HS3ST4: variants seen among roughly 807,000 people sequenced by gnomAD.
HS3ST4 encodes heparan sulfate-glucosamine 3-sulfotransferase 4.
Under a neutral mutation model 29.2 loss-of-function variants are expected in HS3ST4, and 17 were observed. That is an observed-to-expected ratio of 0.58 (90% CI 0.40 to 0.87). The LOEUF is 0.87. HS3ST4 is among the 40% of genes least tolerant of loss of function. The pLI, the probability that HS3ST4 is intolerant of heterozygous loss-of-function variation, is 0.00. For missense variants in HS3ST4, 627 were observed against 634.5 expected (o/e 0.99, Z 0.13); for synonymous variants, 314 against 285.7 (o/e 1.10, Z -1.00).
At chr16:26,031,275 G>T (rs1969528439) in intron 1 of HS3ST4, among the ~76,000 whole-genome samples, 1 of 152,144 alleles carries the variant, frequency 6.6e-6, no homozygotes, top group South Asian at 2.1e-4. Context: ...CCCCGCCCCG[G>T]GAAGAACCAG....
intron 1 of HS3ST4, among the ~76,000 whole-genome samples, chr16:26,008,802 G>C (rs1050986384): frequency 1.1e-4 from 17 of 152,206 alleles, no homozygotes; most frequent in Non-Finnish European, 1.5e-5. Context: ...CTGGGCGATA[G>C]AGTGAGACCA....
At chr16:26,041,938 T>A (rs1969639611) in intron 1 of HS3ST4, among the ~76,000 whole-genome samples, 1 of 152,206 alleles carries the variant, frequency 6.6e-6, no homozygotes, top group African/African-American at 2.4e-5. Context: ...TCAGTGGGTC[T>A]GGGCCTGGGA....
chr16:25,704,967 C>T (rs189758615), intron 1 of HS3ST4, among the ~76,000 whole-genome samples: 217 of 152,148 alleles, frequency 1.4e-3, no homozygotes, highest in African/African-American at 4.8e-3. Context: ...AGTAATCCTA[C>T]AGCTGAGGCT....
chr16:25,863,865 A>G (rs1229411147), intron 1 of HS3ST4, among the ~76,000 whole-genome samples: 2 of 152,242 alleles, frequency 1.3e-5, no homozygotes, highest in Non-Finnish European at 2.9e-5. Flanking sequence ...ATAACAAAAT[A>G]TCACAGACTG....
intron 1 of HS3ST4, among the ~76,000 whole-genome samples, chr16:25,787,818 C>G (rs1370575999): frequency 1.3e-5 from 2 of 152,154 alleles, no homozygotes; most frequent in African/African-American, 4.8e-5. Flanking sequence ...ATATGATTTT[C>G]TGTTTTTTAA....
At chr16:25,779,543 T>G (rs1215428252) in intron 1 of HS3ST4, among the ~76,000 whole-genome samples, 1 of 152,208 alleles carries the variant, frequency 6.6e-6, no homozygotes, top group African/African-American at 2.4e-5. Context: ...ACTTCATGCT[T>G]GGAGTGTGTC....
chr16:25,704,255 G>T (rs1966357845), intron 1 of HS3ST4, among the ~76,000 whole-genome samples: 1 of 152,124 alleles, frequency 6.6e-6, no homozygotes, highest in Non-Finnish European at 1.5e-5. Context: ...AGCCTATTTT[G>T]GGTGCAGAAA....
intron 1 of HS3ST4, among the ~76,000 whole-genome samples, chr16:26,051,387 G>A (rs780899614): frequency 6.6e-6 from 1 of 152,074 alleles, no homozygotes; most frequent in South Asian, 2.1e-4. Context: ...TGACAAAGAC[G>A]AGCATGATTC....
intron 1 of HS3ST4, among the ~76,000 whole-genome samples, chr16:25,868,087 CGCACATGTGTTT>C (rs1273901907): frequency 2.6e-5 from 4 of 152,078 alleles, no homozygotes; most frequent in Non-Finnish European, 2.9e-5. Context: ...GCACGTCAGA[CGCACATGTGTTT>C]GCTCAATCTG....
intron 1 of HS3ST4, among the ~76,000 whole-genome samples, chr16:25,927,685 C>T (rs552362987): frequency 6.6e-6 from 1 of 151,164 alleles, no homozygotes; most frequent in East Asian, 1.9e-4. Flanking sequence ...CCCCAGCTCG[C>T]TGTTTTTCTG....
intron 1 of HS3ST4, among the ~76,000 whole-genome samples, chr16:25,809,404 T>C (rs1967020008): frequency 6.6e-6 from 1 of 152,212 alleles, no homozygotes; most frequent in Non-Finnish European, 1.5e-5. Flanking sequence ...TTGGTCATGA[T>C]ACATTGTTGG....
At position 26,098,852 on chromosome 16, in the gene HS3ST4, G is replaced by A. The variant is rs368018511; in HGVS notation, c.735-36760G>A. On this transcript the variant is annotated intron_variant, in intron 1 of 1. Coordinates refer to ENST00000331351, the MANE Select transcript of HS3ST4 (RefSeq NM_006040.3). ...TGATGGATAGAGGAAAGAAGGGAGG[G>A]TGTTGGTATACCTAACTATTGAGAA... 3.3e-5 allele frequency among the ~76,000 whole-genome samples: 5 copies of A among 152,196 alleles called. No homozygotes were observed. In the South Asian group the frequency reaches 1.0e-3, roughly 32 times the overall value.
At chr16:25,855,281 A>T in intron 1 of HS3ST4, among the ~76,000 whole-genome samples, 1 of 152,196 alleles carries the variant, frequency 6.6e-6, no homozygotes, top group South Asian at 2.1e-4. Flanking sequence ...AAGCCCCCAC[A>T]TAGCAGACTT....
chr16:25,840,352 A>G (rs1171726575), intron 1 of HS3ST4, among the ~76,000 whole-genome samples: 2 of 152,236 alleles, frequency 1.3e-5, no homozygotes, highest in Non-Finnish European at 2.9e-5. Flanking sequence ...AGACGCAACT[A>G]CTACAATCCA....
chr16:26,081,721 G>A (rs1299443499), intron 1 of HS3ST4, among the ~76,000 whole-genome samples: 1 of 151,116 alleles, frequency 6.6e-6, no homozygotes. Context: ...TGGAGGCCAG[G>A]AAGAGAACAA....
chr16:25,934,862 C>T (rs887232024), intron 1 of HS3ST4, among the ~76,000 whole-genome samples: 11 of 151,982 alleles, frequency 7.2e-5, no homozygotes, highest in African/African-American at 2.7e-4. Flanking sequence ...CATATATTCC[C>T]CTGCCCCCGC....
intron 1 of HS3ST4, among the ~76,000 whole-genome samples, chr16:26,022,405 T>TA (rs1194555852): frequency 1.3e-5 from 2 of 152,184 alleles, no homozygotes; most frequent in Admixed American, 6.5e-5. Context: ...AGTGGACACT[T>TA]ACTGAAAATT....
intron 1 of HS3ST4, among the ~76,000 whole-genome samples, chr16:25,706,054 A>T (rs1008453471): frequency 6.6e-6 from 1 of 152,268 alleles, no homozygotes; most frequent in Non-Finnish European, 1.5e-5. Context: ...AAACTATTTT[A>T]TAGCATGGAT....
chr16:25,694,292 C>T (rs1966277283), intron 1 of HS3ST4, among the ~76,000 whole-genome samples: 1 of 152,202 alleles, frequency 6.6e-6, no homozygotes, highest in East Asian at 1.9e-4. Context: ...AAATTACAGC[C>T]TGGGAAAGTT....
Sources: gnomAD v4.1 joint callset for allele counts (sites outside exome capture counted in the v4.1 genomes callset) on GRCh38, gnomAD v4.1.1 for gene constraint, MANE v1.5 for transcripts, NCBI Gene and HGNC (gene_info 2026-07-23, HGNC 2026-07-21) for gene names.